PTGFRN: variants seen among roughly 807,000 people sequenced by gnomAD.
PTGFRN encodes prostaglandin F2 receptor inhibitor, also known as prostaglandin F2 receptor negative regulator.
A neutral mutation model predicts 83.2 loss-of-function variants in PTGFRN; 35 were observed. The observed-to-expected ratio is 0.42, with a 90% CI of 0.32 to 0.56. The LOEUF (loss-of-function observed/expected upper bound fraction) is 0.56. PTGFRN is among the 20% of genes least tolerant of loss of function. The pLI, the probability that PTGFRN is intolerant of heterozygous loss-of-function variation, is 0.11. For synonymous variants in PTGFRN, 519 were observed against 498.6 expected, an observed-to-expected ratio of 1.04 and a Z score of -0.55; for missense variants, 1,051 against 1,179.5, an observed-to-expected ratio of 0.89 and a Z score of 1.60.
chr1:116,925,991 C>A (rs1378705470), intron 1 of PTGFRN, among the ~76,000 whole-genome samples: 2 of 152,218 alleles, frequency 1.3e-5, no homozygotes, highest in Non-Finnish European at 2.9e-5. Flanking sequence ...CTTACTGAGC[C>A]TCATCAGGGA....
chr1:116,910,005 G>A lies in PTGFRN; in HGVS notation c.-199G>A. Reference sequence around the variant, plus strand: ...CGGCCGGCTGGAGGAGGGAGGGAAGGAGGCGGGAGGGAGCGAGCGGAGCCA... The same window carrying A: ...CGGCCGGCTGGAGGAGGGAGGGAAGAAGGCGGGAGGGAGCGAGCGGAGCCA... On this transcript the variant is annotated 5_prime_UTR_variant, in exon 1 of 9. Coordinates refer to ENST00000393203, the MANE Select transcript of PTGFRN (RefSeq NM_020440.4). 1.5e-6 allele frequency: 1 copy of A among 653,260 alleles called. No individual in the cohort carries two copies. The highest frequency in any genetic ancestry group is 2.7e-6 in the Non-Finnish European group (1 of 372,492). The allele number at this position is 653,260 out of a possible 1,614,324, so 40.5% of individuals were successfully genotyped here. A position where few individuals can be genotyped will look rare whatever the true frequency, so the allele number is the denominator to read the frequency against.
chr1:116,958,455 G>A lies in PTGFRN; in HGVS notation c.1214-2788G>A, dbSNP rs555594470. ...GAAAGGTGGTAGAAGACAGGGCTCC[G>A]TTCCCATCTGCCACTTTTGAACTGT... is the stretch of plus-strand genomic sequence containing the variant. On this transcript the variant is annotated intron_variant, in intron 4 of 8. Coordinates refer to ENST00000393203, the MANE Select transcript of PTGFRN (RefSeq NM_020440.4). The surrounding 1 kb of genome is among the most constrained non-coding windows in gnomAD (Gnocchi z 4.9). 4.6e-5 allele frequency among the ~76,000 whole-genome samples: 7 copies of A among 152,148 alleles called. No individual in the cohort carries two copies. Among genetic ancestry groups the A allele is most frequent in the Non-Finnish European group, 7.3e-5 (5 of 68,036 alleles).
At chr1:116,986,718 A>G (rs1326962136) in intron 8 of PTGFRN, 83 bp from the exon 9 acceptor site, 15 of 1,376,590 alleles carry the variant, frequency 1.1e-5, no homozygotes, top group Non-Finnish European at 1.5e-5. Flanking sequence ...ATCCTGCTCC[A>G]GTGGGGAAGG....
At chr1:116,928,028 G>A (rs1649698484) in intron 1 of PTGFRN, among the ~76,000 whole-genome samples, 1 of 152,204 alleles carries the variant, frequency 6.6e-6, no homozygotes, top group African/African-American at 2.4e-5. Context: ...CCATGTAAAT[G>A]TCAATTAGAA....
At chr1:116,974,571 T>A (rs1195370873) in intron 7 of PTGFRN, 1 of 420,018 alleles carries the variant, frequency 2.4e-6, no homozygotes, top group African/African-American at 2.0e-5. Flanking sequence ...GTCAGTGGGG[T>A]CACTTCCAGG....
chr1:116,974,642 A>G (rs570509911), intron 7 of PTGFRN: 1 of 288,856 alleles, frequency 3.5e-6, no homozygotes, highest in African/African-American at 2.2e-5. Context: ...TGTGTCTTTC[A>G]TTCATTTATT....
chr1:116,949,118 C>T (rs953508422), intron 3 of PTGFRN, 74 bp from the exon 4 acceptor site: 16 of 1,498,958 alleles, frequency 1.1e-5, no homozygotes, highest in Non-Finnish European at 1.4e-5. Context: ...AAAGGAGATG[C>T]TTTAAAGAGG....
At chr1:116,911,703 C>T (rs1649276299) in intron 1 of PTGFRN, among the ~76,000 whole-genome samples, 1 of 152,186 alleles carries the variant, frequency 6.6e-6, no homozygotes, top group South Asian at 2.1e-4. Flanking sequence ...AGTGCAATGG[C>T]ACAACCACAG....
intron 7 of PTGFRN, among the ~76,000 whole-genome samples, chr1:116,981,709 A>G (rs1651323804): frequency 6.6e-6 from 1 of 152,254 alleles, no homozygotes; most frequent in South Asian, 2.1e-4. Flanking sequence ...GTTTGTGGCA[A>G]CTATTCAGCA....
At chr1:116,945,266 G>A (rs941946913) in intron 3 of PTGFRN, among the ~76,000 whole-genome samples, 174 bp downstream of exon 3, 18 of 152,256 alleles carry the variant, frequency 1.2e-4, no homozygotes, top group Non-Finnish European at 8.8e-5. Context: ...GGAGGTGGGC[G>A]GGGTTACATT....
Position 116,961,299 on chromosome 1 carries a change from C to A in PTGFRN, c.1270C>A (p.Pro424Thr). The A allele has an allele frequency of 6.5e-7, 1 of 1,549,042 alleles. No individual in the cohort carries two copies. The highest frequency in any genetic ancestry group is 8.7e-7 in the Non-Finnish European group (1 of 1,146,476). The part of the protein sequence containing the change: ...ASKVPGFADD[P>T]TELACRVVDT... Reference sequence around the variant, plus strand: ...CAAGGTCCCCGGGTTTGCGGATGACCCCACAGAGCTGGCATGCCGGGTGGT... The same window carrying A: ...CAAGGTCCCCGGGTTTGCGGATGACACCACAGAGCTGGCATGCCGGGTGGT... Residue 424 changes from proline (P) to threonine (T), a missense_variant, in exon 5 of 9, where the codon CCC becomes ACC. Transcript: ENST00000393203. The surrounding 1 kb of genome is among the most constrained non-coding windows in gnomAD (Gnocchi z 5.4).
intron 7 of PTGFRN, among the ~76,000 whole-genome samples, chr1:116,974,946 G>A (rs546589902): frequency 9.2e-5 from 14 of 152,292 alleles, no homozygotes; most frequent in Admixed American, 3.3e-4. Flanking sequence ...CCCGGGAAGC[G>A]CAAGGGGTTA....
intron 1 of PTGFRN, 105 bp downstream of exon 1, chr1:116,910,357 G>A (rs913305945): frequency 9.5e-7 from 1 of 1,057,928 alleles, no homozygotes; most frequent in South Asian, 4.7e-5. Context: ...GAGGGTGCCC[G>A]GGCTGCTCCC....
intron 7 of PTGFRN, among the ~76,000 whole-genome samples, chr1:116,979,316 A>G (rs6696545): frequency 0.36 from 54,662 of 151,988 alleles, 10,569 homozygotes; most frequent in African/African-American, 0.51. Flanking sequence ...TATAGATTCA[A>G]TGCCATCCCC....
At chr1:116,919,357 C>CT (rs911621578) in intron 1 of PTGFRN, among the ~76,000 whole-genome samples, 4 of 152,032 alleles carry the variant, frequency 2.6e-5, no homozygotes, top group African/African-American at 9.7e-5. Context: ...TCCTGTCTAC[C>CT]TTTTTTGTAG....
chr1:116,930,944 T>C (rs928874566), intron 1 of PTGFRN, among the ~76,000 whole-genome samples: 3 of 152,194 alleles, frequency 2.0e-5, no homozygotes, highest in African/African-American at 7.2e-5. Context: ...AATTCGAATA[T>C]TGACACTGCA....
intron 7 of PTGFRN, 180 bp downstream of exon 7, chr1:116,974,503 C>T (rs1651089415): frequency 2.1e-6 from 1 of 482,236 alleles, no homozygotes; most frequent in Non-Finnish European, 3.7e-6. Context: ...GTGGATGCAT[C>T]TATCTGCTAG....
At chr1:116,948,479 A>G (rs1337256449) in intron 3 of PTGFRN, among the ~76,000 whole-genome samples, 1 of 152,246 alleles carries the variant, frequency 6.6e-6, no homozygotes, top group African/African-American at 2.4e-5. Context: ...AATGTCTAAG[A>G]AATAAATTAT....
chr1:116,934,449 T>A (rs191151186), intron 1 of PTGFRN, among the ~76,000 whole-genome samples: 1 of 152,324 alleles, frequency 6.6e-6, no homozygotes, highest in East Asian at 1.9e-4. Flanking sequence ...GCCTGGCTGC[T>A]GACTTCTTCT....
Sources: gnomAD v4.1 joint callset for allele counts (sites outside exome capture counted in the v4.1 genomes callset) on GRCh38, gnomAD v4.1.1 for gene constraint, Gnocchi (gnomAD v3.1) non-coding constraint, MANE v1.5 for transcripts, NCBI Gene and HGNC (gene_info 2026-07-23, HGNC 2026-07-21) for gene names.